Variants in SLC9A4 observed in about 807,000 individuals in gnomAD.
SLC9A4 encodes sodium/hydrogen exchanger 4.
SLC9A4 carries 63 observed loss-of-function variants against 67.4 expected under a neutral mutation model. That is an observed-to-expected ratio of 0.93 (90% confidence interval 0.76 to 1.15). The LOEUF (loss-of-function observed/expected upper bound fraction) is 1.15, where lower values mean the gene tolerates loss of function less well. Among genes scored for constraint, SLC9A4 ranks in the 50% most tolerant of loss-of-function variants. SLC9A4 has a pLI of 0.00. For synonymous variants in SLC9A4, 393 were observed against 367.2 expected (o/e 1.07, Z -0.80); for missense variants, 1,089 against 987.7 (o/e 1.10, Z -1.38).
chr2:102,484,927 T>G (rs1172398897), intron 2 of SLC9A4, among the ~76,000 whole-genome samples: 2 of 152,292 alleles, frequency 1.3e-5, no homozygotes, highest in Non-Finnish European at 2.9e-5. Context: ...GACATCTTCC[T>G]GGCTCTGGAT....
At chr2:102,479,461 T>C (rs1017537718) in intron 2 of SLC9A4, among the ~76,000 whole-genome samples, 159 bp downstream of exon 2, 3 of 152,220 alleles carry the variant, frequency 2.0e-5, no homozygotes, top group South Asian at 2.1e-4. Context: ...GTGAATTTCC[T>C]TGGGATCTGC....
At chr2:102,516,310 A>G (rs1685276790) in intron 8 of SLC9A4, among the ~76,000 whole-genome samples, 1 of 151,998 alleles carries the variant, frequency 6.6e-6, no homozygotes, top group African/African-American at 2.4e-5. Context: ...GGTGGGAGAG[A>G]TTTTTTAAAG....
At chr2:102,502,130 C>T (rs1684954491) in intron 2 of SLC9A4, among the ~76,000 whole-genome samples, 2 of 152,138 alleles carry the variant, frequency 1.3e-5, no homozygotes, top group South Asian at 4.1e-4. Flanking sequence ...CAGGACTCTT[C>T]AGGGGCTGAT....
Position 102,479,047 on chromosome 2 carries a change from C to T in SLC9A4, c.465C>T (p.Ile155=), listed in dbSNP as rs150819444. The T allele has an allele frequency of 1.4e-4, 229 of 1,614,180 alleles. No homozygotes were observed. In the African/African-American group the frequency reaches 2.6e-3, roughly 19 times the overall value. ...FMPTRPFFEN[I]GSILWWAVLG... ...CCACCCGGCCCTTCTTTGAGAACATCGGCTCCATCCTGTGGTGGGCAGTAT... is the reference window on the plus strand; with the variant it reads ...CCACCCGGCCCTTCTTTGAGAACATTGGCTCCATCCTGTGGTGGGCAGTAT... Residue 155 remains isoleucine, a synonymous_variant, in exon 2 of 12, where the codon ATC becomes ATT. Transcript: ENST00000295269.
At chr2:102,500,061 C>T (rs947211082) in intron 2 of SLC9A4, among the ~76,000 whole-genome samples, 7 of 152,156 alleles carry the variant, frequency 4.6e-5, no homozygotes, top group South Asian at 2.1e-4. Context: ...AGGATAGGAT[C>T]GTAACTGGAA....
intron 2 of SLC9A4, among the ~76,000 whole-genome samples, chr2:102,484,561 T>C (rs1309897073): frequency 6.6e-6 from 1 of 152,226 alleles, no homozygotes; most frequent in Non-Finnish European, 1.5e-5. Context: ...TGACTTTGTA[T>C]TGAAGCAGCT....
At chr2:102,496,377 A>G (rs1490819175) in intron 2 of SLC9A4, among the ~76,000 whole-genome samples, 2 of 152,226 alleles carry the variant, frequency 1.3e-5, no homozygotes. Context: ...AAGTGCTGAC[A>G]AGGATATGGA....
In SLC9A4 at chr2:102,514,161, T is replaced by C. The variant is rs562164795; in HGVS notation, c.1631T>C (p.Val544Ala). The C allele has an allele frequency of 1.3e-4, 211 of 1,614,036 alleles. 1 individual carries two copies. In the Admixed American group the frequency reaches 2.5e-3, roughly 19 times the overall value. Residue 544 changes from valine to alanine, a missense_variant, in exon 8 of 12, where the codon GTT becomes GCT. Transcript: ENST00000295269. Reference protein sequence around the residue: ...IRKNLPKSSIVSLYKKLEMKQ... With the variant: ...IRKNLPKSSIASLYKKLEMKQ... ...AAGAACCTACCCAAATCAAGCATTG[T>C]TTCTTTGTACAAGAAGCTGGAAATG... is the stretch of plus-strand genomic sequence containing the variant.
intron 2 of SLC9A4, among the ~76,000 whole-genome samples, chr2:102,493,940 T>A (rs1431471253): frequency 2.6e-5 from 4 of 151,880 alleles, no homozygotes; most frequent in Non-Finnish European, 1.5e-5. Flanking sequence ...GTCTGTCTAC[T>A]CTCACCCCTG....
At position 102,514,263 on chromosome 2, in the gene SLC9A4, CTGT is replaced by C; in HGVS notation, c.1721+14_1721+16del. The C allele has an allele frequency of 6.3e-7, 1 of 1,586,386 alleles. No individual in the cohort carries two copies. The highest frequency in any genetic ancestry group is 8.6e-7 in the Non-Finnish European group (1 of 1,162,724). On this transcript the variant is annotated intron_variant, in intron 8 of 11. Coordinates refer to ENST00000295269, the MANE Select transcript of SLC9A4 (RefSeq NM_001011552.4). ...TCCATACCCCATCAGTGAGTCATAT[CTGT>C]TCTTTGTTCTAAACTTTCACTGTCA...
At chr2:102,494,454 T>A (rs985770744) in intron 2 of SLC9A4, among the ~76,000 whole-genome samples, 4 of 152,076 alleles carry the variant, frequency 2.6e-5, no homozygotes, top group Admixed American at 6.5e-5. Context: ...AATAAAAAAA[T>A]ATATAGTAAT....
rs148291038 is a variant in SLC9A4 at position 102,473,958 on chromosome 2, G to A, written c.199G>A (p.Val67Met). ...TGTTTTTGAACTGGATTATGACTAT[G>A]TGCAAATTCCTTATGAGGTCACTCT... The part of the protein sequence containing the change: ...ISVFELDYDY[V>M]QIPYEVTLWI... Residue 67 changes from valine (V) to methionine (M), a missense_variant, in exon 1 of 12, where the codon GTG (valine) becomes ATG (methionine). Coordinates refer to ENST00000295269, the MANE Select transcript of SLC9A4 (RefSeq NM_001011552.4). 5.0e-6 allele frequency: 8 copies of A among 1,614,058 alleles called. No individual in the cohort carries two copies. The African/African-American group carries it at 8.0e-5, about 16-fold the overall frequency.
Position 102,525,122 on chromosome 2 carries a change from G to A in SLC9A4, c.1917G>A (p.Met639Ile), listed in dbSNP as rs576011913. The change falls in exon 10 of 12, where the codon ATG becomes ATA. Residue 639 changes from methionine to isoleucine, a missense_variant. Physicochemically the swap from Met to Ile is conservative, Grantham distance 10. Coordinates refer to ENST00000295269, the MANE Select transcript of SLC9A4 (RefSeq NM_001011552.4). ...GCCAGAACACCTTAAGGGAGAGCAT[G>A]AGGAAAGGTCACAGCCTGCCCTGGG... is the stretch of plus-strand genomic sequence containing the variant. ...IRRQNTLRES[M>I]RKGHSLPWGK... is the part of the protein sequence containing the mutation. 14 of 1,613,970 alleles carry A rather than the reference G, an allele frequency of 8.7e-6. No individual in the cohort carries two copies. The highest frequency in any genetic ancestry group is 1.1e-5 in the Non-Finnish European group (13 of 1,179,998).
intron 1 of SLC9A4, 152 bp downstream of exon 1, chr2:102,474,167 C>T (rs1369262928): frequency 2.2e-6 from 2 of 894,240 alleles, no homozygotes; most frequent in African/African-American, 3.4e-5. Context: ...AAAGTCATAA[C>T]TGCATTTTAC....
chr2:102,508,559 C>G lies in SLC9A4; in HGVS notation c.1401+278C>G, dbSNP rs6724109. On this transcript the variant is annotated intron_variant, in intron 5 of 11. Coordinates refer to ENST00000295269, the MANE Select transcript of SLC9A4 (RefSeq NM_001011552.4). The stretch of plus-strand genomic sequence containing the variant: ...GAAAATGAGATTCCAATTAGTACTA[C>G]GTAGCACAAGTTTTTGTTTTAGTTG... Among the ~76,000 whole-genome samples the G allele has an allele frequency of 0.75, 114,107 of 152,148 alleles. 43,179 individuals are homozygous for G. Among genetic ancestry groups the G allele is most frequent in the Middle Eastern group, 0.8 (236 of 294 alleles).
intron 2 of SLC9A4, among the ~76,000 whole-genome samples, chr2:102,498,939 A>T (rs1684865362): frequency 6.6e-6 from 1 of 152,208 alleles, no homozygotes; most frequent in Non-Finnish European, 1.5e-5. Flanking sequence ...TTTACTAAAG[A>T]AACTCCTGTG....
chr2:102,531,660 C>T (rs962419518), intron 11 of SLC9A4, among the ~76,000 whole-genome samples: 4 of 152,136 alleles, frequency 2.6e-5, no homozygotes, highest in Non-Finnish European at 4.4e-5. Context: ...CCGAAAGGGC[C>T]GCTATGAGGA....
intron 10 of SLC9A4, among the ~76,000 whole-genome samples, chr2:102,525,445 C>T (rs1002066843): frequency 4.0e-5 from 6 of 151,510 alleles, no homozygotes; most frequent in Middle Eastern, 3.4e-3. Context: ...CTTATGGTGA[C>T]CAGGTACTGA....
intron 9 of SLC9A4, among the ~76,000 whole-genome samples, chr2:102,520,563 G>A (rs1216485468): frequency 6.6e-6 from 1 of 152,096 alleles, no homozygotes; most frequent in Admixed American, 6.5e-5. Flanking sequence ...CATTTAATTA[G>A]TCATCTAACG....
Sources: allele counts gnomAD v4.1 joint callset (sites outside exome capture counted in the v4.1 genomes callset), GRCh38; gene constraint gnomAD v4.1.1; transcripts MANE v1.5; gene names NCBI Gene and HGNC (gene_info 2026-07-23, HGNC 2026-07-21).